Variants in ARHGAP32 observed in about 807,000 individuals in gnomAD.
The protein encoded by ARHGAP32 is Rho GTPase activating protein 32, also known as rho GTPase-activating protein 32.
In ARHGAP32, 51 loss-of-function variants were observed where a neutral mutation model predicts 186.5. The observed-to-expected ratio is 0.27, with a 90% CI of 0.22 to 0.35. ARHGAP32 has a LOEUF of 0.35. Among genes scored for constraint, ARHGAP32 ranks in the 10% least tolerant of loss-of-function variants. The pLI is 1.00. For missense variants in ARHGAP32, 2,186 were observed against 2,623.5 expected (o/e 0.83, Z 3.64); for synonymous variants, 950 against 964.3 (o/e 0.99, Z 0.27).
chr11:129,274,984 C>T (rs377087121), intron 1 of ARHGAP32, among the ~76,000 whole-genome samples: 29 of 151,130 alleles, frequency 1.9e-4, no homozygotes, highest in Non-Finnish European at 2.2e-4. Context: ...AGAACATTAT[C>T]GGGAAATTAT....
intron 1 of ARHGAP32, among the ~76,000 whole-genome samples, chr11:129,241,198 A>C (rs1486734140): frequency 6.6e-6 from 1 of 152,240 alleles, no homozygotes; most frequent in African/African-American, 2.4e-5. Context: ...ATGAAGTTAA[A>C]ATTTTAAAAC....
intron 1 of ARHGAP32, among the ~76,000 whole-genome samples, chr11:129,268,161 C>T (rs565483236): frequency 6.6e-6 from 1 of 152,216 alleles, no homozygotes; most frequent in South Asian, 2.1e-4. Context: ...GAAAAATAAT[C>T]TAAAAACCTT....
chr11:129,235,660 C>G (rs956766514), intron 1 of ARHGAP32, among the ~76,000 whole-genome samples: 1 of 152,094 alleles, frequency 6.6e-6, no homozygotes, highest in African/African-American at 2.4e-5. Context: ...ACCACCCAAG[C>G]AATGTGCACT....
chr11:129,047,335 A>G (rs1430003204), intron 10 of ARHGAP32, among the ~76,000 whole-genome samples: 5 of 152,042 alleles, frequency 3.3e-5, no homozygotes, highest in Admixed American at 6.6e-5. Flanking sequence ...TCTGACTACA[A>G]CTTCCTATCC....
At position 129,003,044 on chromosome 11, in the gene ARHGAP32, C is replaced by T. The variant is rs547241679; in HGVS notation, c.1046-4576G>A. Among the ~76,000 whole-genome samples, 11 of 152,280 alleles carry T rather than the reference C, an allele frequency of 7.2e-5. No individual in the cohort carries two copies. The South Asian group carries it at 2.3e-3, about 32-fold the overall frequency. On this transcript the variant is annotated intron_variant, in intron 11 of 22. Transcript: ENST00000682385. ...ATCTCCTGACCTCGTGATCTGCCCG[C>T]CTCGGCCTCCCAAAGTGCTGGGATT...
At chr11:129,028,444 T>C (rs750042937) in intron 11 of ARHGAP32, among the ~76,000 whole-genome samples, 2 of 152,166 alleles carry the variant, frequency 1.3e-5, no homozygotes, top group Non-Finnish European at 1.5e-5. Context: ...AGTTCCACTA[T>C]TTGTGAAACA....
chr11:129,009,420 C>T (rs1937956691), intron 11 of ARHGAP32, among the ~76,000 whole-genome samples: 1 of 152,090 alleles, frequency 6.6e-6, no homozygotes, highest in Non-Finnish European at 1.5e-5. Flanking sequence ...TGGTTTGCTG[C>T]ACAGATCATC....
Position 129,218,830 on chromosome 11 carries a change from G to C in ARHGAP32, c.-4-54403C>G, listed in dbSNP as rs552287413. Among the ~76,000 whole-genome samples, 18 of 152,288 alleles carry C rather than the reference G, an allele frequency of 1.2e-4. No individual in the cohort carries two copies. The South Asian group carries it at 3.7e-3, about 32-fold the overall frequency. The stretch of plus-strand genomic sequence containing the variant: ...AACACAAGGTGGATACTGCAGGTTA[G>C]ATTCTCCAGGAAGCAGACTCTGACA... On this transcript the variant is annotated intron_variant, in intron 1 of 6. Coordinates refer to the ARHGAP32 transcript ENST00000525234.
intron 10 of ARHGAP32, among the ~76,000 whole-genome samples, chr11:129,057,162 G>A (rs893126853): frequency 2.0e-5 from 3 of 152,072 alleles, no homozygotes; most frequent in African/African-American, 4.8e-5. Context: ...GTGGGTCATC[G>A]GACATCCTCT....
intron 1 of ARHGAP32, among the ~76,000 whole-genome samples, chr11:129,181,428 T>C (rs1301045734): frequency 6.6e-6 from 1 of 152,144 alleles, no homozygotes; most frequent in Non-Finnish European, 1.5e-5. Flanking sequence ...CGGCTGATGA[T>C]ATAAATCTGA....
At chr11:129,194,969 T>A (rs1330926672), upstream of ARHGAP32, among the ~76,000 whole-genome samples, 1 of 150,604 alleles carries the variant, frequency 6.6e-6, no homozygotes, top group African/African-American at 2.4e-5. Context: ...GTTGTTTTGT[T>A]TTGTTTTGTT....
intron 5 of ARHGAP32, among the ~76,000 whole-genome samples, chr11:129,122,729 C>A (rs990537552): frequency 1.3e-5 from 2 of 152,172 alleles, no homozygotes; most frequent in Non-Finnish European, 1.5e-5. Context: ...CAGGAGTTTT[C>A]TTCTGGAGAG....
In ARHGAP32 at chr11:129,260,687, C is replaced by T. The variant is rs139370758; in HGVS notation, c.-5+18459G>A. 1.4e-3 allele frequency among the ~76,000 whole-genome samples: 215 copies of T among 152,146 alleles called. 3 individuals are homozygous for T. The highest frequency in any genetic ancestry group is 0.014 in the East Asian group (72 of 5,180). ...TTTAAGCTGTCTACCTTAAAGCATC[C>T]GTTTTAAAAATAAATTCCTACTACT... On this transcript the variant is annotated intron_variant, in intron 1 of 6. Coordinates refer to the ARHGAP32 transcript ENST00000525234.
At chr11:129,243,473 G>C (rs12277756) in intron 1 of ARHGAP32, among the ~76,000 whole-genome samples, 3,383 of 152,202 alleles carry the variant, frequency 0.022, 69 homozygotes, top group African/African-American at 0.051. Context: ...AAATGTTTCT[G>C]AATAATAAGT....
chr11:129,058,251 TA>T (rs1181658668), intron 10 of ARHGAP32, among the ~76,000 whole-genome samples: 4 of 150,960 alleles, frequency 2.6e-5, no homozygotes, highest in African/African-American at 9.7e-5. Flanking sequence ...TATATATATA[TA>T]TCTCATATAC....
chr11:129,003,166 T>A (rs554739559), intron 11 of ARHGAP32, among the ~76,000 whole-genome samples: 2 of 152,340 alleles, frequency 1.3e-5, no homozygotes, highest in African/African-American at 4.8e-5. Flanking sequence ...TTGTCCTTCA[T>A]TCTGTTGATA....
Position 128,972,628 on chromosome 11 carries a change from C to A in ARHGAP32, c.3878G>T (p.Ser1293Ile), listed in dbSNP as rs1219754029. Residue 1293 changes from serine (S) to isoleucine (I), a missense_variant, in exon 22 of 23, where the codon AGC becomes ATC. Transcript: ENST00000682385. The part of the protein sequence containing the change: ...ATAQMSTKEA[S>I]WDVAEQPTTA... The stretch of plus-strand genomic sequence containing the variant: ...GGTGGGTTGTTCAGCCACATCCCAG[C>A]TGGCTTCCTTGGTGCTCATTTGGGC... 6 of 1,611,736 alleles carry A rather than the reference C, an allele frequency of 3.7e-6. No individual in the cohort carries two copies. In the Admixed American group the frequency reaches 8.3e-5, roughly 22 times the overall value.
chr11:129,258,203 A>C (rs556311249), intron 1 of ARHGAP32, among the ~76,000 whole-genome samples: 2 of 152,286 alleles, frequency 1.3e-5, no homozygotes, highest in East Asian at 3.9e-4. Context: ...CTATCATATT[A>C]AAATCTAAAC....
At chr11:129,083,771 G>A (rs1311516619) in intron 6 of ARHGAP32, among the ~76,000 whole-genome samples, 1 of 151,874 alleles carries the variant, frequency 6.6e-6, no homozygotes, top group Non-Finnish European at 1.5e-5. Flanking sequence ...TAGGTAACTA[G>A]AAAAAGAAGA....
Sources: gnomAD v4.1 joint callset for allele counts (sites outside exome capture counted in the v4.1 genomes callset) on GRCh38, gnomAD v4.1.1 for gene constraint, MANE v1.5 for transcripts, NCBI Gene and HGNC (gene_info 2026-07-23, HGNC 2026-07-21) for gene names.